Variants in TUBAL3 observed in about 807,000 individuals in gnomAD.
TUBAL3 encodes tubulin alpha like 3, also known as tubulin alpha chain-like 3.
Under a neutral mutation model 15.5 loss-of-function variants are expected in TUBAL3, and 16 were observed. The observed-to-expected ratio is 1.04, with a 90% CI of 0.70 to 1.57. The LOEUF is 1.57. Ranked by LOEUF, TUBAL3 falls within the 40% of genes most tolerant of loss-of-function variation. TUBAL3 has a pLI of 0.00. For synonymous variants in TUBAL3, 238 were observed against 224.3 expected (o/e 1.06, Z -0.55); for missense variants, 609 against 576.2 (o/e 1.06, Z -0.58).
Position 5,396,665 on chromosome 10 carries a change from G to A in TUBAL3, c.248-1190C>T, listed in dbSNP as rs1233808172. On this transcript the variant is annotated intron_variant, in intron 2 of 3. Transcript: ENST00000380419. The surrounding 1 kb of genome is among the most constrained non-coding windows in gnomAD (Gnocchi z 5.1). Reference sequence around the variant, plus strand: ...AAATGCATGACGCAGGACAATTGGCGTTAAGATGTTGGCAGTATCCAATAC... The same window carrying A: ...AAATGCATGACGCAGGACAATTGGCATTAAGATGTTGGCAGTATCCAATAC... Among the ~76,000 whole-genome samples the A allele has an allele frequency of 3.9e-5, 6 of 152,224 alleles. No homozygotes were observed. Among genetic ancestry groups the A allele is most frequent in the African/African-American group, 9.6e-5 (4 of 41,452 alleles).
chr10:5,395,322 C>T lies in TUBAL3; in HGVS notation c.396+5G>A. ...CCCACTCGGAGGAGAGGGGGAGCCA[C>T]TTGCCAGCTTCCGGGTCCTCTCCAG... On this transcript the variant is annotated splice_donor_5th_base_variant and intron_variant, in intron 3 of 3. Coordinates refer to ENST00000380419, the MANE Select transcript of TUBAL3 (RefSeq NM_024803.3). The surrounding 1 kb of genome is among the most constrained non-coding windows in gnomAD (Gnocchi z 4.6). The T allele has an allele frequency of 1.3e-6, 2 of 1,536,876 alleles. No individual in the cohort carries two copies. Among genetic ancestry groups the T allele is most frequent in the Non-Finnish European group, 1.8e-6 (2 of 1,133,454 alleles).
Position 5,395,706 on chromosome 10 carries a change from T to A in TUBAL3, c.248-231A>T, listed in dbSNP as rs1588412465. On this transcript the variant is annotated intron_variant, in intron 2 of 3. Coordinates refer to ENST00000380419, the MANE Select transcript of TUBAL3 (RefSeq NM_024803.3). This position sits in a 1 kb window ranked among gnomAD's most constrained non-coding sequence, Gnocchi z 4.6. ...TTTTCTACCATGCACCCCTTATTAG[T>A]TTCCTAGTGCTGCCATAACCAATGA... is the stretch of plus-strand genomic sequence containing the variant. 6.6e-6 allele frequency among the ~76,000 whole-genome samples: 1 copy of A among 152,334 alleles called. No homozygotes were observed. The highest frequency in any genetic ancestry group is 1.9e-4 in the East Asian group (1 of 5,182).
chr10:5,395,262 G>A lies in TUBAL3; in HGVS notation c.396+65C>T, dbSNP rs1454135986. 5.7e-6 allele frequency: 8 copies of A among 1,395,534 alleles called. No homozygotes were observed. In the East Asian group the frequency reaches 1.6e-4, roughly 28 times the overall value. The allele number at this position is 1,395,534 out of a possible 1,614,324, so 86.4% of individuals were successfully genotyped here. A position where few individuals can be genotyped will look rare whatever the true frequency, so the allele number is the denominator to read the frequency against. ...TGGTGACAGCAGATAATGCTTGTGA[G>A]TTCTGCCGCAGGACCCCACATGCCC... On this transcript the variant is annotated intron_variant, in intron 3 of 3. Transcript: ENST00000380419. This position sits in a 1 kb window ranked among gnomAD's most constrained non-coding sequence, Gnocchi z 4.6.
chr10:5,394,423 G>A lies in TUBAL3; in HGVS notation c.435C>T (p.Phe145=). 6.2e-7 allele frequency: 1 copy of A among 1,611,686 alleles called. No individual in the cohort carries two copies. Among genetic ancestry groups the A allele is most frequent in the African/African-American group, 1.3e-5 (1 of 74,862 alleles). ...AACCAGTGCCTCCTCCAAAGCTTCG[G>A]AAAATCAAAAATCCCTGAAGTCCAC... ...QCGGLQGFLI[F]RSFGGGTGSG... Residue 145 remains phenylalanine (F), a synonymous_variant, in exon 4 of 4, where the codon TTC becomes TTT. Coordinates refer to ENST00000380419, the MANE Select transcript of TUBAL3 (RefSeq NM_024803.3). This position sits in a 1 kb window ranked among gnomAD's most constrained non-coding sequence, Gnocchi z 4.3.
Position 5,394,240 on chromosome 10 carries a change from G to A in TUBAL3, c.618C>T (p.Asp206=), listed in dbSNP as rs200013500. 2.9e-4 allele frequency: 468 copies of A among 1,614,224 alleles called. 2 individuals carry two copies. In the Middle Eastern group the frequency reaches 4.5e-3, roughly 15 times the overall value. ...LTTHSTTEHT[D]CTFMVDNEAV... ...CCTCGTTGTCCACCATGAAGGTACA[G>A]TCCGTGTGCTCTGTGGTGGAGTGGG... Residue 206 remains aspartate, a synonymous_variant, in exon 4 of 4, where the codon GAC becomes GAT. Transcript: ENST00000380419. The surrounding 1 kb of genome is among the most constrained non-coding windows in gnomAD (Gnocchi z 4.3).
Position 5,394,595 on chromosome 10 carries a change from T to G in TUBAL3, c.397-134A>C. On this transcript the variant is annotated intron_variant, in intron 3 of 3. Transcript: ENST00000380419. The surrounding 1 kb of genome is among the most constrained non-coding windows in gnomAD (Gnocchi z 4.3). The stretch of plus-strand genomic sequence containing the variant: ...AAAGGACTCCTTTGCCTTTGTTAAC[T>G]CCACAACAAACATAGCTACTTTGAA... The G allele has an allele frequency of 2.7e-6, 2 of 749,054 alleles. No homozygotes were observed. The allele number at this position is 749,054 out of a possible 1,614,324, so 46.4% of individuals were successfully genotyped here. A position where few individuals can be genotyped will look rare whatever the true frequency, so the allele number is the denominator to read the frequency against.
intron 2 of TUBAL3, among the ~76,000 whole-genome samples, chr10:5,398,183 G>A (rs1174360672): frequency 6.6e-6 from 1 of 152,112 alleles, no homozygotes; most frequent in African/African-American, 2.4e-5. Flanking sequence ...TAGTTTGGGA[G>A]GCCGAGGCAG....
chr10:5,395,234 C>T lies in TUBAL3; in HGVS notation c.396+93G>A, dbSNP rs1015740536. 1.5e-5 allele frequency: 19 copies of T among 1,300,986 alleles called. No homozygotes were observed. The highest frequency in any genetic ancestry group is 4.6e-5 in the African/African-American group (3 of 65,736). 80.6% of individuals were successfully genotyped at this position (1,300,986 alleles called of 1,614,324 possible). On this transcript the variant is annotated intron_variant, in intron 3 of 3. Transcript: ENST00000380419. The surrounding 1 kb of genome is among the most constrained non-coding windows in gnomAD (Gnocchi z 4.6). ...GAGCCCAGGGAGAGACGGTTGGTGG[C>T]GATGGTGACAGCAGATAATGCTTGT...
intron 2 of TUBAL3, among the ~76,000 whole-genome samples, chr10:5,400,470 A>G (rs1177917716): frequency 6.6e-6 from 1 of 152,142 alleles, no homozygotes; most frequent in Non-Finnish European, 1.5e-5. Context: ...CATCTCTACT[A>G]AAAATACAAA....
At position 5,393,772 on chromosome 10, in the gene TUBAL3, G is replaced by A. The variant is rs1554813754; in HGVS notation, c.1086C>T (p.Ile362=). Residue 362 remains isoleucine, a synonymous_variant, in exon 4 of 4, where the codon ATC becomes ATT. Coordinates refer to ENST00000380419, the MANE Select transcript of TUBAL3 (RefSeq NM_024803.3). The part of the protein sequence containing the change: ...DWCPTGFKVG[I]NNRPPTVMPG... ...GCATCACCGTGGGCGGCCGATTGTT[G>A]ATGCCCACCTTGAAACCAGTTGGAC... The A allele has an allele frequency of 6.2e-7, 1 of 1,614,214 alleles. No individual in the cohort carries two copies. Among genetic ancestry groups the A allele is most frequent in the South Asian group, 1.1e-5 (1 of 91,086 alleles).
chr10:5,396,778 G>A lies in TUBAL3; in HGVS notation c.248-1303C>T, dbSNP rs1008858486. Among the ~76,000 whole-genome samples the A allele has an allele frequency of 6.6e-6, 1 of 152,204 alleles. No homozygotes were observed. The highest frequency in any genetic ancestry group is 2.4e-5 in the African/African-American group (1 of 41,446). On this transcript the variant is annotated intron_variant, in intron 2 of 3. Coordinates refer to ENST00000380419, the MANE Select transcript of TUBAL3 (RefSeq NM_024803.3). This position sits in a 1 kb window ranked among gnomAD's most constrained non-coding sequence, Gnocchi z 5.1. Reference sequence around the variant, plus strand: ...CCTCCACCTTAGAATTACTCAAATAGCATTATTCCTGATGATTAAACAGCA... The same window carrying A: ...CCTCCACCTTAGAATTACTCAAATAACATTATTCCTGATGATTAAACAGCA...
intron 1 of TUBAL3, among the ~76,000 whole-genome samples, chr10:5,402,028 T>G (rs916753475): frequency 6.6e-6 from 1 of 152,196 alleles, no homozygotes; most frequent in East Asian, 1.9e-4. Flanking sequence ...TGATAACATA[T>G]TAAGTAAAAA....
Position 5,397,112 on chromosome 10 carries a change from T to C in TUBAL3, c.248-1637A>G, listed in dbSNP as rs1564451080. Among the ~76,000 whole-genome samples, 1 of 152,230 alleles carries C rather than the reference T, an allele frequency of 6.6e-6. No individual in the cohort carries two copies. The highest frequency in any genetic ancestry group is 1.9e-4 in the East Asian group (1 of 5,196). Reference sequence around the variant, plus strand: ...GCATTTATGCAGATTTACCTCATTATACACCACCAGCCTTGGCAGCAGATA... The same window carrying C: ...GCATTTATGCAGATTTACCTCATTACACACCACCAGCCTTGGCAGCAGATA... On this transcript the variant is annotated intron_variant, in intron 2 of 3. Coordinates refer to ENST00000380419, the MANE Select transcript of TUBAL3 (RefSeq NM_024803.3). This position sits in a 1 kb window ranked among gnomAD's most constrained non-coding sequence, Gnocchi z 4.9.
intron 1 of TUBAL3, among the ~76,000 whole-genome samples, chr10:5,402,428 C>T (rs1399935409): frequency 6.6e-6 from 1 of 152,172 alleles, no homozygotes; most frequent in African/African-American, 2.4e-5. Context: ...GAATGAGACC[C>T]CCATGTCTTC....
rs1554813889 is a variant in TUBAL3, at chr10:5,394,342, A to G, written c.516T>C (p.Thr172=). The G allele has an allele frequency of 6.2e-7, 1 of 1,614,180 alleles. No individual in the cohort carries two copies. Among genetic ancestry groups the G allele is most frequent in the South Asian group, 1.1e-5 (1 of 91,078 alleles). Reference sequence around the variant, plus strand: ...CTGGGTAGACCGAGAACTCCAGCTTAGTCTTTCTGCTATATTCTCCTGTGA... The same window carrying G: ...CTGGGTAGACCGAGAACTCCAGCTTGGTCTTTCTGCTATATTCTCCTGTGA... ...ERLTGEYSRK[T]KLEFSVYPAP... is the part of the protein sequence containing the mutation. The change falls in exon 4 of 4, where the codon ACT becomes ACC. Residue 172 remains threonine, a synonymous_variant. Transcript: ENST00000380419. The surrounding 1 kb of genome is among the most constrained non-coding windows in gnomAD (Gnocchi z 4.3).
rs782005870 is a variant in TUBAL3 at position 5,396,188 on chromosome 10, T to C, written c.248-713A>G. 2.6e-5 allele frequency among the ~76,000 whole-genome samples: 4 copies of C among 152,158 alleles called. No individual in the cohort carries two copies. The highest frequency in any genetic ancestry group is 5.9e-5 in the Non-Finnish European group (4 of 68,026). On this transcript the variant is annotated intron_variant, in intron 2 of 3. Coordinates refer to ENST00000380419, the MANE Select transcript of TUBAL3 (RefSeq NM_024803.3). This position sits in a 1 kb window ranked among gnomAD's most constrained non-coding sequence, Gnocchi z 5.1. ...GAGACAAGTATTTTTATCTACAAAT[T>C]GCGAACTGTGTGCTGGAAAGGCACA...
rs1460432126 is a variant in TUBAL3, at chr10:5,396,802, C to T, written c.248-1327G>A. Among the ~76,000 whole-genome samples the T allele has an allele frequency of 6.6e-6, 1 of 152,196 alleles. No individual in the cohort carries two copies. The highest frequency in any genetic ancestry group is 1.5e-5 in the Non-Finnish European group (1 of 68,050). ...AGCATTATTCCTGATGATTAAACAG[C>T]AGTGTTTCAGGGCTAAGTAGGCTTT... is the stretch of plus-strand genomic sequence containing the variant. On this transcript the variant is annotated intron_variant, in intron 2 of 3. Transcript: ENST00000380419. This position sits in a 1 kb window ranked among gnomAD's most constrained non-coding sequence, Gnocchi z 5.1.
rs1329333933 is a variant in TUBAL3, at chr10:5,397,437, C to T, written c.248-1962G>A. 6.6e-6 allele frequency among the ~76,000 whole-genome samples: 1 copy of T among 152,158 alleles called. No homozygotes were observed. Among genetic ancestry groups the T allele is most frequent in the Non-Finnish European group, 1.5e-5 (1 of 68,020 alleles). Reference sequence around the variant, plus strand: ...CTTCTTATCTGAAGCTATAAGGCTGCATTCAGGCTAAGAAGGTAATTTACG... The same window carrying T: ...CTTCTTATCTGAAGCTATAAGGCTGTATTCAGGCTAAGAAGGTAATTTACG... On this transcript the variant is annotated intron_variant, in intron 2 of 3. Transcript: ENST00000380419. The surrounding 1 kb of genome is among the most constrained non-coding windows in gnomAD (Gnocchi z 4.9).
intron 2 of TUBAL3, among the ~76,000 whole-genome samples, chr10:5,400,640 T>A (rs1246028821): frequency 6.6e-6 from 1 of 152,128 alleles, no homozygotes; most frequent in Non-Finnish European, 1.5e-5. Flanking sequence ...AATAAATAAA[T>A]TTAAATTCAA....
Sources: allele counts gnomAD v4.1 joint callset (sites outside exome capture counted in the v4.1 genomes callset), GRCh38; gene constraint gnomAD v4.1.1; non-coding constraint Gnocchi (gnomAD v3.1); transcripts MANE v1.5; gene names NCBI Gene and HGNC (gene_info 2026-07-23, HGNC 2026-07-21).